Variants in CADPS observed in about 807,000 individuals in gnomAD.
CADPS encodes calcium dependent secretion activator.
CADPS carries 57 observed loss-of-function variants against 167.3 expected under a neutral mutation model. The ratio of observed to expected loss-of-function variants is 0.34; its 90% CI spans 0.28 to 0.42. The LOEUF is 0.42. Ranked by LOEUF, CADPS falls within the 20% of genes least tolerant of loss-of-function variation. The pLI is 1.00. For synonymous variants in CADPS, 676 were observed against 635.3 expected (o/e 1.06, Z -0.96); for missense variants, 1,414 against 1,738.1 (o/e 0.81, Z 3.32).
intron 6 of CADPS, among the ~76,000 whole-genome samples, chr3:62,623,898 C>A (rs1230170029): frequency 2.0e-5 from 3 of 151,904 alleles, no homozygotes; most frequent in African/African-American, 7.3e-5. Flanking sequence ...GTGATTTTGC[C>A]CTTCCACTCC....
chr3:62,550,386 C>T (rs2077132485), intron 10 of CADPS, among the ~76,000 whole-genome samples: 2 of 151,974 alleles, frequency 1.3e-5, no homozygotes, highest in Admixed American at 6.6e-5. Flanking sequence ...AAACATCTGC[C>T]TATAAACATA....
intron 7 of CADPS, among the ~76,000 whole-genome samples, chr3:62,591,684 G>A (rs186197924): frequency 6.6e-6 from 1 of 152,206 alleles, no homozygotes; most frequent in African/African-American, 2.4e-5. Context: ...CAGAGTCAAT[G>A]GTTCAGATGC....
chr3:62,711,057 T>C (rs997803118), intron 3 of CADPS, among the ~76,000 whole-genome samples: 18 of 152,178 alleles, frequency 1.2e-4, no homozygotes. Context: ...GGATTTGTAA[T>C]TTCTTTGGGG....
At chr3:62,765,497 CAA>C (rs2152501396) in intron 2 of CADPS, among the ~76,000 whole-genome samples, 2 of 152,232 alleles carry the variant, frequency 1.3e-5, no homozygotes, top group African/African-American at 4.8e-5. Context: ...GCTCCTGACT[CAA>C]AGTCACAGGT....
At chr3:62,442,627 C>T (rs1163845082) in intron 27 of CADPS, among the ~76,000 whole-genome samples, 1 of 152,140 alleles carries the variant, frequency 6.6e-6, no homozygotes, top group South Asian at 2.1e-4. Context: ...TTTTGAGCTA[C>T]CAATGTGCTC....
chr3:62,606,781 T>A (rs746478506), intron 6 of CADPS, among the ~76,000 whole-genome samples: 2 of 152,206 alleles, frequency 1.3e-5, no homozygotes, highest in Non-Finnish European at 2.9e-5. Flanking sequence ...TGTGTCTTTG[T>A]CACCAATGTG....
At chr3:62,760,570 C>A (rs2085154900) in intron 2 of CADPS, among the ~76,000 whole-genome samples, 2 of 151,976 alleles carry the variant, frequency 1.3e-5, no homozygotes, top group South Asian at 4.2e-4. Context: ...TAAACTCATC[C>A]TCTTAATCAC....
chr3:62,708,581 T>C (rs1436758845), intron 3 of CADPS, among the ~76,000 whole-genome samples: 7 of 152,010 alleles, frequency 4.6e-5, no homozygotes, highest in Non-Finnish European at 1.0e-4. Flanking sequence ...TGCTTCATTT[T>C]CATGAGAGAG....
rs578074215 is a variant in CADPS, at chr3:62,674,125, C to T, written c.889-11731G>A. Among the ~76,000 whole-genome samples the T allele has an allele frequency of 4.6e-4, 70 of 152,188 alleles. No homozygotes were observed. In the South Asian group the frequency reaches 7.5e-3, roughly 16 times the overall value. ...CAATTGTGGCTTTTGTGAATGTGTACGTGCATGCATGTGAGTGGTGTGTAT... is the reference window on the plus strand; with the variant it reads ...CAATTGTGGCTTTTGTGAATGTGTATGTGCATGCATGTGAGTGGTGTGTAT... On this transcript the variant is annotated intron_variant, in intron 3 of 29. Coordinates refer to ENST00000383710, the MANE Select transcript of CADPS (RefSeq NM_003716.4).
chr3:62,526,270 T>A (rs938610200), intron 13 of CADPS, among the ~76,000 whole-genome samples: 1 of 152,192 alleles, frequency 6.6e-6, no homozygotes. Flanking sequence ...CAGAGATTTT[T>A]AAGATTCATA....
intron 1 of CADPS, among the ~76,000 whole-genome samples, chr3:62,817,847 A>T (rs2094699495): frequency 6.6e-6 from 1 of 152,204 alleles, no homozygotes; most frequent in Non-Finnish European, 1.5e-5. Context: ...TTTAGAAAAG[A>T]ATGCAGATTG....
At position 62,412,777 on chromosome 3, in the gene CADPS, C is replaced by T. The variant is rs1031186687; in HGVS notation, c.3778-9592G>A. ...AGTCCAGAAGGATCCTTTCTAAAAG[C>T]AAATCAAGCAGGGGAGTTTAATCCA... On this transcript the variant is annotated intron_variant, in intron 28 of 29. Coordinates refer to ENST00000383710, the MANE Select transcript of CADPS (RefSeq NM_003716.4). This position sits in a 1 kb window ranked among gnomAD's most constrained non-coding sequence, Gnocchi z 4.1. Among the ~76,000 whole-genome samples, 1 of 152,108 alleles carries T rather than the reference C, an allele frequency of 6.6e-6. No homozygotes were observed. The highest frequency in any genetic ancestry group is 1.5e-5 in the Non-Finnish European group (1 of 68,002).
At chr3:62,409,770 GAAAA>G in intron 28 of CADPS, among the ~76,000 whole-genome samples, 1 of 152,138 alleles carries the variant, frequency 6.6e-6, no homozygotes, top group Non-Finnish European at 1.5e-5. Flanking sequence ...CAAAATTTCT[GAAAA>G]ATTACATATC....
At chr3:62,730,661 C>T (rs961926348) in intron 3 of CADPS, among the ~76,000 whole-genome samples, 2 of 152,200 alleles carry the variant, frequency 1.3e-5, no homozygotes, top group South Asian at 4.1e-4. Context: ...TTGCACCAGA[C>T]TGGGAGACCA....
chr3:62,560,225 A>G (rs1383579801), intron 9 of CADPS, among the ~76,000 whole-genome samples: 2 of 152,168 alleles, frequency 1.3e-5, no homozygotes, highest in Non-Finnish European at 2.9e-5. Flanking sequence ...TTTTGGGGGG[A>G]ATCTCACTTT....
intron 1 of CADPS, among the ~76,000 whole-genome samples, chr3:62,771,520 G>T (rs1396636869): frequency 1.3e-5 from 2 of 152,128 alleles, no homozygotes; most frequent in East Asian, 3.8e-4. Context: ...CGAATAAACT[G>T]AAATAATTGG....
intron 6 of CADPS, among the ~76,000 whole-genome samples, chr3:62,630,056 A>G (rs2149679245): frequency 6.6e-6 from 1 of 152,150 alleles, no homozygotes; most frequent in East Asian, 1.9e-4. Flanking sequence ...TTGTTTACAT[A>G]CTTTTTTTTG....
In CADPS at chr3:62,874,860, G is replaced by T; in HGVS notation, c.170C>A (p.Ala57Asp). The T allele has an allele frequency of 9.1e-7, 1 of 1,097,064 alleles. No individual in the cohort carries two copies. The highest frequency in any genetic ancestry group is 1.1e-6 in the Non-Finnish European group (1 of 903,354). 68.0% of individuals were successfully genotyped at this position (1,097,064 alleles called of 1,614,324 possible). A position where few individuals can be genotyped will look rare whatever the true frequency, so the allele number is the denominator to read the frequency against. ...CCCGCCGCCGCCTGCACCCACCCCGGCTCCGGCGCCGGCGCCGCCGCCCCC... is the reference window on the plus strand; with the variant it reads ...CCCGCCGCCGCCTGCACCCACCCCGTCTCCGGCGCCGGCGCCGCCGCCCCC... The part of the protein sequence containing the change: ...GLGGGGAGAG[A>D]GVGAGGGGGS... The change falls in exon 1 of 30, where the codon GCC (alanine) becomes GAC (aspartate). Residue 57 changes from alanine to aspartate, a missense_variant. By Grantham distance (126) the Ala-to-Asp change is moderately radical. Transcript: ENST00000383710. The surrounding 1 kb of genome is among the most constrained non-coding windows in gnomAD (Gnocchi z 7.1).
intron 18 of CADPS, among the ~76,000 whole-genome samples, chr3:62,497,579 C>T (rs963918865): frequency 3.3e-5 from 5 of 152,136 alleles, no homozygotes; most frequent in African/African-American, 1.2e-4. Flanking sequence ...TGGAGGTTAT[C>T]GATTTGCTTT....
Sources: gnomAD v4.1 joint callset for allele counts (sites outside exome capture counted in the v4.1 genomes callset) on GRCh38, gnomAD v4.1.1 for gene constraint, Gnocchi (gnomAD v3.1) non-coding constraint, MANE v1.5 for transcripts, NCBI Gene and HGNC (gene_info 2026-07-23, HGNC 2026-07-21) for gene names.